Variants in PLXNA4 observed in about 807,000 individuals in gnomAD.
PLXNA4 encodes the protein plexin-A4.
PLXNA4 carries 44 observed loss-of-function variants against 191.8 expected under a neutral mutation model. That is an observed-to-expected ratio of 0.23 (90% CI 0.18 to 0.29). The LOEUF (loss-of-function observed/expected upper bound fraction) is 0.29, where lower values mean the gene tolerates loss of function less well. Ranked by LOEUF, PLXNA4 falls within the 10% of genes least tolerant of loss-of-function variation. The pLI, the probability that PLXNA4 is intolerant of heterozygous loss-of-function variation, is 1.00. For missense variants in PLXNA4, 1,800 were observed against 2,488.8 expected, an observed-to-expected ratio of 0.72 and a Z score of 5.89; for synonymous variants, 1,082 against 1,009.5, an observed-to-expected ratio of 1.07 and a Z score of -1.36.
intron 25 of PLXNA4, among the ~76,000 whole-genome samples, chr7:132,152,753 G>C (rs908066671): frequency 6.6e-6 from 1 of 152,196 alleles, no homozygotes; most frequent in Non-Finnish European, 1.5e-5. Flanking sequence ...TACCTCCCAG[G>C]CATCAAATGC....
At chr7:132,575,216 C>G (rs1459156929) in intron 1 of PLXNA4, among the ~76,000 whole-genome samples, 1 of 152,216 alleles carries the variant, frequency 6.6e-6, no homozygotes, top group Non-Finnish European at 1.5e-5. Context: ...GAACCCCAGC[C>G]ACTTCCTACC....
At chr7:132,557,407 A>G (rs1303397869) in intron 1 of PLXNA4, among the ~76,000 whole-genome samples, 1 of 152,116 alleles carries the variant, frequency 6.6e-6, no homozygotes, top group Non-Finnish European at 1.5e-5. Flanking sequence ...GTTTATCAAA[A>G]CCTACAACTT....
chr7:132,456,440 C>T (rs17822128), intron 3 of PLXNA4, among the ~76,000 whole-genome samples: 6,765 of 152,194 alleles, frequency 0.044, 204 homozygotes, highest in Non-Finnish European at 0.067. Context: ...AGGCCAAGAG[C>T]GTGCTCTGAA....
chr7:132,140,706 G>A lies in PLXNA4; in HGVS notation c.5331C>T (p.Thr1777=), dbSNP rs1012531560. 1.5e-5 allele frequency: 24 copies of A among 1,614,094 alleles called. No homozygotes were observed. Among genetic ancestry groups the A allele is most frequent in the Non-Finnish European group, 2.0e-5 (24 of 1,180,014 alleles). Residue 1777 remains threonine (T), a synonymous_variant, in exon 30 of 32, where the codon ACC becomes ACT. Transcript: ENST00000321063. ...TDACLSVVAQ[T]FMDSCSTSEH... ...CTGACGTGGAGCAAGAGTCCATGAA[G>A]GTCTGAGCCACCACAGAGAGGCAGG... is the stretch of plus-strand genomic sequence containing the variant.
chr7:132,199,773 C>T lies in PLXNA4; in HGVS notation c.2587-1137G>A, dbSNP rs147733815. ...GAACTAGGCTGTGCTGCCCTCCCCA[C>T]CAAGTGGCAGCTTCTCCAGGTGAGA... On this transcript the variant is annotated intron_variant, in intron 12 of 31. Transcript: ENST00000321063. 2.1e-3 allele frequency among the ~76,000 whole-genome samples: 316 copies of T among 152,328 alleles called. 1 individual carries two copies. Among genetic ancestry groups the T allele is most frequent in the Non-Finnish European group, 3.4e-3 (231 of 68,026 alleles).
At chr7:132,214,947 G>A (rs1797919389) in intron 9 of PLXNA4, among the ~76,000 whole-genome samples, 1 of 152,164 alleles carries the variant, frequency 6.6e-6, no homozygotes, top group African/African-American at 2.4e-5. Context: ...GGTCCGGGGT[G>A]AGTGGACATT....
chr7:132,563,339 C>T (rs1801439232), intron 1 of PLXNA4, among the ~76,000 whole-genome samples: 2 of 112,794 alleles, frequency 1.8e-5, no homozygotes, highest in Admixed American at 8.5e-5. Context: ...CCTCCTCCTT[C>T]TCCTCCTCTT....
At chr7:132,254,779 C>T (rs566469716) in intron 4 of PLXNA4, among the ~76,000 whole-genome samples, 4 of 152,228 alleles carry the variant, frequency 2.6e-5, no homozygotes, top group East Asian at 3.9e-4. Flanking sequence ...GGTGGTGGTA[C>T]GGATAATGCA....
intron 9 of PLXNA4, among the ~76,000 whole-genome samples, chr7:132,212,207 T>C (rs1797826013): frequency 6.6e-6 from 1 of 152,154 alleles, no homozygotes; most frequent in Non-Finnish European, 1.5e-5. Context: ...CACGTGTTCT[T>C]TCTGATGGTG....
Position 132,128,650 on chromosome 7 carries a change from A to G in PLXNA4, c.*1829T>C, listed in dbSNP as rs1312427203. 2.0e-5 allele frequency: 3 copies of G among 152,218 alleles called. No individual in the cohort carries two copies. Among genetic ancestry groups the G allele is most frequent in the Non-Finnish European group, 4.4e-5 (3 of 68,064 alleles). The allele number at this position is 152,218 out of a possible 1,614,324, so 9.4% of individuals were successfully genotyped here. On this transcript the variant is annotated 3_prime_UTR_variant, in exon 32 of 32. Coordinates refer to ENST00000321063, the MANE Select transcript of PLXNA4 (RefSeq NM_020911.2). ...CATACATGTGCTCACACACATGTGC[A>G]CATATTCATATCCAAAGGGGCAAGT...
chr7:132,445,617 G>A (rs1011476291), intron 3 of PLXNA4, among the ~76,000 whole-genome samples: 2 of 151,990 alleles, frequency 1.3e-5, no homozygotes, highest in African/African-American at 2.4e-5. Context: ...CATTTTTCAC[G>A]CCAAAATTCT....
At chr7:132,361,950 C>A (rs1382247531) in intron 3 of PLXNA4, among the ~76,000 whole-genome samples, 1 of 152,180 alleles carries the variant, frequency 6.6e-6, no homozygotes, top group African/African-American at 2.4e-5. Flanking sequence ...TGTTCCTTTT[C>A]TTTCCTTCAC....
At chr7:132,358,987 A>G (rs1281616270) in intron 3 of PLXNA4, among the ~76,000 whole-genome samples, 1 of 152,126 alleles carries the variant, frequency 6.6e-6, no homozygotes, top group African/African-American at 2.4e-5. Flanking sequence ...CATTTAGAAG[A>G]AAAAGCACCA....
chr7:132,174,728 T>C, intron 21 of PLXNA4, 50 bp downstream of exon 21: 3 of 1,588,846 alleles, frequency 1.9e-6, no homozygotes, highest in Non-Finnish European at 2.6e-6. Context: ...ACTTGAAGAT[T>C]GCCAACACGC....
chr7:132,196,278 G>T (rs572429369), intron 13 of PLXNA4, among the ~76,000 whole-genome samples: 7 of 152,188 alleles, frequency 4.6e-5, no homozygotes, highest in Admixed American at 6.5e-5. Flanking sequence ...ACCATGCCAC[G>T]CTGCCTTGCA....
At chr7:132,143,911 T>C (rs1288277947) in intron 29 of PLXNA4, among the ~76,000 whole-genome samples, 1 of 152,198 alleles carries the variant, frequency 6.6e-6, no homozygotes. Context: ...TCAACCTTGG[T>C]TCCTACCTGG....
intron 2 of PLXNA4, among the ~76,000 whole-genome samples, chr7:132,620,090 C>T (rs1360065762): frequency 1.3e-5 from 2 of 152,216 alleles, no homozygotes; most frequent in East Asian, 1.9e-4. Context: ...GCGTGAGCCA[C>T]CGCGCCTGGC....
chr7:132,162,790 C>T (rs1380834065), intron 24 of PLXNA4, among the ~76,000 whole-genome samples: 1 of 152,124 alleles, frequency 6.6e-6, no homozygotes, highest in Non-Finnish European at 1.5e-5. Flanking sequence ...CAGACGTCTA[C>T]TGGGATTCCC....
In PLXNA4 at chr7:132,561,877, CCTT is replaced by C. The variant is rs558866053; in HGVS notation, c.-87+14542_-87+14544del. ...TCCTTATCCTCCTCTTTCTCCTCCT[CCTT>C]CTCCTCTGCCTTCTCCTTCTCCTTC... On this transcript the variant is annotated intron_variant, in intron 1 of 31. Transcript: ENST00000321063. 1.6e-3 allele frequency among the ~76,000 whole-genome samples: 235 copies of C among 143,664 alleles called. 1 individual carries two copies. The highest frequency in any genetic ancestry group is 2.5e-3 in the Non-Finnish European group (168 of 66,168). The allele number at this position is 143,664 out of a possible 152,430, so 94.2% of individuals were successfully genotyped here.
Sources: gnomAD v4.1 joint callset for allele counts (sites outside exome capture counted in the v4.1 genomes callset) on GRCh38, gnomAD v4.1.1 for gene constraint, MANE v1.5 for transcripts, NCBI Gene and HGNC (gene_info 2026-07-23, HGNC 2026-07-21) for gene names.